CASP9: variants seen among roughly 807,000 people sequenced by gnomAD.
The protein encoded by CASP9 is caspase-9.
CASP9 carries 29 observed loss-of-function variants against 43.5 expected under a neutral mutation model. The observed-to-expected ratio is 0.67, with a 90% CI of 0.50 to 0.91. The LOEUF is 0.91. Ranked by LOEUF, CASP9 falls within the 40% of genes least tolerant of loss-of-function variation. CASP9 has a pLI of 0.00. For missense variants in CASP9, 575 were observed against 537.4 expected (o/e 1.07, Z -0.69); for synonymous variants, 206 against 211.9 (o/e 0.97, Z 0.24).
chr1:15,493,332 T>A lies in CASP9; in HGVS notation c.1159-297A>T, dbSNP rs4646103. ...GGCATGAATACCTGAGCAGAGCAGC[T>A]GGGGCCCATACATGCTGCCTCCCAA... On this transcript the variant is annotated intron_variant, in intron 8 of 8. Coordinates refer to ENST00000333868, the MANE Select transcript of CASP9 (RefSeq NM_001229.5). 291,576 of 1,284,804 alleles carry A rather than the reference T, an allele frequency of 0.23. 35,352 individuals carry two copies. Among genetic ancestry groups the A allele is most frequent in the African/African-American group, 0.43 (28,513 of 66,386 alleles). 79.6% of individuals were successfully genotyped at this position (1,284,804 alleles called of 1,614,324 possible).
At chr1:15,517,274 T>C (rs1245958290) in intron 2 of CASP9, among the ~76,000 whole-genome samples, 1 of 152,014 alleles carries the variant, frequency 6.6e-6, no homozygotes, top group Non-Finnish European at 1.5e-5. Flanking sequence ...TGTACAACAA[T>C]ATGAATGAAT....
chr1:15,523,877 C>T (rs1193501832), intron 1 of CASP9, among the ~76,000 whole-genome samples, 192 bp downstream of exon 1: 1 of 144,268 alleles, frequency 6.9e-6, no homozygotes, highest in Non-Finnish European at 1.5e-5. Flanking sequence ...GAAACACAAG[C>T]ACTAACAGTG....
upstream of CASP9, chr1:15,524,878 T>TC (rs1489691908): frequency 4.9e-5 from 27 of 548,412 alleles, no homozygotes; most frequent in Non-Finnish European, 5.8e-5. Context: ...GACCCCAGAA[T>TC]CCATTCCGCG....
At position 15,497,417 on chromosome 1, in the gene CASP9, G is replaced by A. The variant is rs111564728; in HGVS notation, c.869-1965C>T. ...CCCAGCACTTTGGGAGACCGAGGCTGGTGGATCACTAGGTCAGGAGATTGA... is the reference window on the plus strand; with the variant it reads ...CCCAGCACTTTGGGAGACCGAGGCTAGTGGATCACTAGGTCAGGAGATTGA... On this transcript the variant is annotated intron_variant, in intron 6 of 8. Coordinates refer to ENST00000333868, the MANE Select transcript of CASP9 (RefSeq NM_001229.5). Among the ~76,000 whole-genome samples the A allele has an allele frequency of 9.5e-3, 1,452 of 152,052 alleles. 23 individuals carry two copies. The highest frequency in any genetic ancestry group is 0.032 in the African/African-American group (1,332 of 41,476).
In CASP9 at chr1:15,524,058, C is replaced by CG. The variant is rs1553144438; in HGVS notation, c.132+10dup. The CG allele has an allele frequency of 5.4e-6, 8 of 1,481,826 alleles. No individual in the cohort carries two copies. The highest frequency in any genetic ancestry group is 1.2e-5 in the South Asian group (1 of 80,064). The allele number at this position is 1,481,826 out of a possible 1,614,324, so 91.8% of individuals were successfully genotyped here. ...GCCGTGCAGCGCGGGGACAGGGGGC[C>CG]GGGGGCGCACCTGGATGTCCTCGAT... On this transcript the variant is annotated intron_variant, in intron 1 of 8. Transcript: ENST00000333868.
intron 7 of CASP9, 52 bp from the exon 8 acceptor site, chr1:15,494,053 T>TC (rs1294758014): frequency 6.5e-7 from 1 of 1,537,268 alleles, no homozygotes. Context: ...CTCCGCCGGC[T>TC]CCCCACCACC....
Position 15,493,960 on chromosome 1 carries a change from C to G in CASP9, c.1090G>C (p.Val364Leu), listed in dbSNP as rs1334055901. ...TCAAAGATGTCGTCCAGGGTCTCAA[C>G]GTACCAGGAGCCACTCTTGGGGTCC... ...WRDPKSGSWYVETLDDIFEQW... is the reference protein window; with the variant it reads ...WRDPKSGSWYLETLDDIFEQW... The change falls in exon 8 of 9, where the codon GTT becomes CTT. Residue 364 changes from valine to leucine, a missense_variant. By Grantham distance (32) the Val-to-Leu change is conservative. Coordinates refer to ENST00000333868, the MANE Select transcript of CASP9 (RefSeq NM_001229.5). The G allele has an allele frequency of 2.5e-6, 4 of 1,603,704 alleles. No individual in the cohort carries two copies. Among genetic ancestry groups the G allele is most frequent in the East Asian group, 2.2e-5 (1 of 44,578 alleles).
At position 15,523,631 on chromosome 1, in the gene CASP9, A is replaced by G. The variant is rs1304460745; in HGVS notation, c.132+438T>C. ...AATGCTTATGTTAGAGAGAAATAAA[A>G]CTTAAGACCAGCCAAAAGCAGTCAA... On this transcript the variant is annotated intron_variant, in intron 1 of 8. Transcript: ENST00000333868. Among the ~76,000 whole-genome samples, 3 of 152,146 alleles carry G rather than the reference A, an allele frequency of 2.0e-5. 1 individual carries two copies. Among genetic ancestry groups the G allele is most frequent in the Non-Finnish European group, 4.4e-5 (3 of 68,034 alleles).
intron 8 of CASP9, 116 bp from the exon 9 acceptor site, chr1:15,493,151 T>G: frequency 1.3e-6 from 2 of 1,530,910 alleles, no homozygotes; most frequent in Non-Finnish European, 1.7e-6. Flanking sequence ...CAGCTCAAAC[T>G]GCAGCCTCTT....
chr1:15,504,067 C>T (rs538694854), intron 6 of CASP9, among the ~76,000 whole-genome samples: 3 of 152,254 alleles, frequency 2.0e-5, no homozygotes, highest in African/African-American at 4.8e-5. Flanking sequence ...AGGCTGGTCT[C>T]GAACTCCTGG....
intron 6 of CASP9, among the ~76,000 whole-genome samples, chr1:15,498,593 AC>A (rs1170013156): frequency 1.3e-5 from 2 of 152,140 alleles, no homozygotes; most frequent in Non-Finnish European, 2.9e-5. Flanking sequence ...ACTCACTCAA[AC>A]CCTTTACTCA....
At chr1:15,504,839 C>T (rs1709458854) in intron 5 of CASP9, 81 bp from the exon 6 acceptor site, 1 of 1,444,278 alleles carries the variant, frequency 6.9e-7, no homozygotes, top group African/African-American at 1.4e-5. Context: ...TTTGTGGGAG[C>T]CAAGGATTTG....
In CASP9 at chr1:15,497,577, AG is replaced by A. The variant is rs548239489; in HGVS notation, c.869-2126del. 2.3e-4 allele frequency among the ~76,000 whole-genome samples: 35 copies of A among 151,486 alleles called. No individual in the cohort carries two copies. In the East Asian group the frequency reaches 6.1e-3, roughly 26 times the overall value. On this transcript the variant is annotated intron_variant, in intron 6 of 8. Coordinates refer to ENST00000333868, the MANE Select transcript of CASP9 (RefSeq NM_001229.5). ...AGAATTGCTTGAACCAGGGAGTCAG[AG>A]GTTGCAGTGAGCCGAGATGGCGCCA...
intron 6 of CASP9, among the ~76,000 whole-genome samples, chr1:15,501,041 C>T (rs1709310505): frequency 6.6e-6 from 1 of 152,158 alleles, no homozygotes; most frequent in African/African-American, 2.4e-5. Flanking sequence ...CTTAGAGAGC[C>T]TCATTAATGC....
chr1:15,506,497 A>G (rs1452536260), intron 4 of CASP9, among the ~76,000 whole-genome samples: 1 of 151,630 alleles, frequency 6.6e-6, no homozygotes, highest in Non-Finnish European at 1.5e-5. Context: ...GGCCCAACCC[A>G]AACGCCTGGG....
chr1:15,503,564 A>C (rs4646059), intron 6 of CASP9, among the ~76,000 whole-genome samples: 89,234 of 152,052 alleles, frequency 0.59, 26,841 homozygotes, highest in African/African-American at 0.71. Context: ...GTATATACAG[A>C]TGGTGCTCAA....
At chr1:15,502,357 A>G (rs1460019698) in intron 6 of CASP9, among the ~76,000 whole-genome samples, 1 of 152,224 alleles carries the variant, frequency 6.6e-6, no homozygotes, top group East Asian at 1.9e-4. Context: ...ACGGTGGCTC[A>G]TGCCTGTTAT....
chr1:15,498,929 G>C lies in CASP9; in HGVS notation c.869-3477C>G, dbSNP rs187991773. On this transcript the variant is annotated intron_variant, in intron 6 of 8. Coordinates refer to ENST00000333868, the MANE Select transcript of CASP9 (RefSeq NM_001229.5). ...ACCTGGCTAATTATTTGTAGAGATG[G>C]GGCTTCACTGTGTTAGCCAGGATGG... Among the ~76,000 whole-genome samples, 10 of 151,712 alleles carry C rather than the reference G, an allele frequency of 6.6e-5. No homozygotes were observed. In the East Asian group the frequency reaches 1.5e-3, roughly 24 times the overall value.
In CASP9 at chr1:15,491,561, CA is replaced by C. The variant is rs1708896443; in HGVS notation, c.*1381del. ...TCGCTTGAGTCCAGGAGTTCAAGACCAGCCTGAGTAACATGGCATAACTCTG... is the reference window on the plus strand; with the variant it reads ...TCGCTTGAGTCCAGGAGTTCAAGACCGCCTGAGTAACATGGCATAACTCTG... On this transcript the variant is annotated 3_prime_UTR_variant, in exon 9 of 9. Transcript: ENST00000333868. The C allele has an allele frequency of 4.1e-6, 2 of 488,194 alleles. No individual in the cohort carries two copies. The highest frequency in any genetic ancestry group is 7.4e-6 in the Non-Finnish European group (2 of 269,790). The allele number at this position is 488,194 out of a possible 1,614,324, so 30.2% of individuals were successfully genotyped here.
Sources: allele counts gnomAD v4.1 joint callset (sites outside exome capture counted in the v4.1 genomes callset), GRCh38; gene constraint gnomAD v4.1.1; transcripts MANE v1.5; gene names NCBI Gene and HGNC (gene_info 2026-07-23, HGNC 2026-07-21).